RIMS1: variants seen among roughly 807,000 people sequenced by gnomAD.
RIMS1 encodes regulating synaptic membrane exocytosis protein 1.
A neutral mutation model predicts 214.1 loss-of-function variants in RIMS1; 83 were observed. The ratio of observed to expected loss-of-function variants is 0.39; its 90% CI spans 0.32 to 0.47. RIMS1 has a LOEUF of 0.47. RIMS1 is among the 20% of genes least tolerant of loss of function. The pLI is 0.99. For synonymous variants in RIMS1, 793 were observed against 786.8 expected, an observed-to-expected ratio of 1.01 and a Z score of -0.13; for missense variants, 2,050 against 2,161.8, an observed-to-expected ratio of 0.95 and a Z score of 1.03.
At chr6:71,976,691 CCT>C (rs949677284) in intron 2 of RIMS1, among the ~76,000 whole-genome samples, 3 of 151,912 alleles carry the variant, frequency 2.0e-5, no homozygotes, top group African/African-American at 7.2e-5. Flanking sequence ...AAGATTTCCC[CCT>C]GTGTTTTCTT....
At chr6:72,082,438 C>T (rs1386278326) in intron 2 of RIMS1, among the ~76,000 whole-genome samples, 4 of 152,090 alleles carry the variant, frequency 2.6e-5, no homozygotes, top group African/African-American at 9.7e-5. Context: ...TTATTATCCT[C>T]CTTTTACAGA....
intron 4 of RIMS1, among the ~76,000 whole-genome samples, chr6:72,134,778 A>G (rs76980822): frequency 1.9e-3 from 291 of 152,120 alleles, no homozygotes; most frequent in Middle Eastern, 6.8e-3. Flanking sequence ...TTCAATAATT[A>G]AGTTCTAAAA....
chr6:72,213,279 A>AT, intron 6 of RIMS1: 1 of 1,387,188 alleles, frequency 7.2e-7, no homozygotes, highest in Non-Finnish European at 9.7e-7. Flanking sequence ...ACCTAAATCT[A>AT]TATTTAACAC....
chr6:72,266,250 A>G lies in RIMS1; in HGVS notation c.3398+201A>G. Reference sequence around the variant, plus strand: ...TAAACCCAAGGGTACACATACACATATTTCTATGAATGTTGTTGCAAATGG... The same window carrying G: ...TAAACCCAAGGGTACACATACACATGTTTCTATGAATGTTGTTGCAAATGG... On this transcript the variant is annotated intron_variant, in intron 22 of 33. Coordinates refer to ENST00000521978, the MANE Select transcript of RIMS1 (RefSeq NM_014989.7). 2.4e-5 allele frequency: 14 copies of G among 585,466 alleles called. No individual in the cohort carries two copies. The South Asian group carries it at 2.8e-4, about 12-fold the overall frequency. The allele number at this position is 585,466 out of a possible 1,614,324, so 36.3% of individuals were successfully genotyped here.
At position 72,259,087 on chromosome 6, in the gene RIMS1, G is replaced by A; in HGVS notation, c.3029G>A (p.Ser1010Asn). 6.2e-7 allele frequency: 1 copy of A among 1,612,618 alleles called. No homozygotes were observed. The highest frequency in any genetic ancestry group is 8.5e-7 in the Non-Finnish European group (1 of 1,178,950). Reference sequence around the variant, plus strand: ...GATCATAGAACCAGAGATGTGGATAGTCAGTATTTATCAGAACAAGACAGG... The same window carrying A: ...GATCATAGAACCAGAGATGTGGATAATCAGTATTTATCAGAACAAGACAGG... ...PVDHRTRDVD[S>N]QYLSEQDSEL... Residue 1010 changes from serine to asparagine, a missense_variant, in exon 18 of 34, where the codon AGT becomes AAT. Physicochemically the swap from Ser to Asn is conservative, Grantham distance 46. Coordinates refer to ENST00000521978, the MANE Select transcript of RIMS1 (RefSeq NM_014989.7).
At chr6:72,074,721 G>C (rs1831372120) in intron 2 of RIMS1, among the ~76,000 whole-genome samples, 2 of 152,276 alleles carry the variant, frequency 1.3e-5, no homozygotes, top group South Asian at 4.1e-4. Context: ...TAGCAGGGAA[G>C]TATCTTGAAG....
intron 4 of RIMS1, among the ~76,000 whole-genome samples, chr6:72,105,047 C>G (rs1368744518): frequency 1.3e-5 from 2 of 152,134 alleles, no homozygotes; most frequent in Middle Eastern, 3.2e-3. Flanking sequence ...CTTTCCACCT[C>G]AGTCTCCTGA....
chr6:72,166,822 C>G (rs577336705), intron 4 of RIMS1, among the ~76,000 whole-genome samples: 13 of 151,832 alleles, frequency 8.6e-5, no homozygotes, highest in African/African-American at 3.1e-4. Context: ...ATTTATTAGT[C>G]TCAATAGTGT....
intron 2 of RIMS1, among the ~76,000 whole-genome samples, chr6:72,090,666 T>G (rs1027514391): frequency 2.6e-5 from 4 of 152,228 alleles, no homozygotes; most frequent in Non-Finnish European, 5.9e-5. Flanking sequence ...CTTACTGTCC[T>G]TCTTTGACAC....
chr6:72,209,182 G>A (rs2053412229), intron 6 of RIMS1, among the ~76,000 whole-genome samples: 1 of 152,128 alleles, frequency 6.6e-6, no homozygotes. Context: ...TTGAATTTCA[G>A]AGCAATTTGG....
chr6:71,952,198 T>C (rs1345608347), intron 1 of RIMS1, among the ~76,000 whole-genome samples: 2 of 152,126 alleles, frequency 1.3e-5, no homozygotes, highest in African/African-American at 4.8e-5. Context: ...CCAGCTTACC[T>C]CCCACTGCTC....
At chr6:71,924,648 A>AT (rs1781033085) in intron 1 of RIMS1, among the ~76,000 whole-genome samples, 1 of 149,818 alleles carries the variant, frequency 6.7e-6, no homozygotes, top group African/African-American at 2.5e-5. Context: ...AAAAAAAAAA[A>AT]TGCAGAAAAT....
chr6:72,227,049 AT>A (rs1438372419), intron 6 of RIMS1, among the ~76,000 whole-genome samples: 1 of 152,040 alleles, frequency 6.6e-6, no homozygotes, highest in Non-Finnish European at 1.5e-5. Flanking sequence ...AATATGGCAG[AT>A]TTAGGATTAG....
At chr6:71,913,533 G>C (rs1016853119) in intron 1 of RIMS1, among the ~76,000 whole-genome samples, 1 of 152,074 alleles carries the variant, frequency 6.6e-6, no homozygotes, top group Non-Finnish European at 1.5e-5. Flanking sequence ...ATTCCATAAT[G>C]TAACACCCTT....
chr6:72,398,316 C>G lies in RIMS1; in HGVS notation c.4686C>G (p.Ser1562Arg). Reference sequence around the variant, plus strand: ...AAGTGGAAGTCATTAGAGCACGAAGCCTCACACAAAAGCCTGGTTCCAAAT... The same window carrying G: ...AAGTGGAAGTCATTAGAGCACGAAGGCTCACACAAAAGCCTGGTTCCAAAT... ...QLEVEVIRAR[S>R]LTQKPGSKST... The change falls in exon 32 of 34, where the codon AGC becomes AGG. Residue 1562 changes from serine (S) to arginine (R), a missense_variant. This residue lies in a region of RIMS1 where 121 missense variants were observed against 187.3 expected (regional missense o/e 0.65). Coordinates refer to ENST00000521978, the MANE Select transcript of RIMS1 (RefSeq NM_014989.7). 3 of 1,604,028 alleles carry G rather than the reference C, an allele frequency of 1.9e-6. No individual in the cohort carries two copies. Among genetic ancestry groups the G allele is most frequent in the Non-Finnish European group, 2.6e-6 (3 of 1,175,448 alleles).
chr6:72,183,964 C>A (rs2496509), intron 6 of RIMS1, among the ~76,000 whole-genome samples: 72,837 of 151,934 alleles, frequency 0.48, 18,641 homozygotes, highest in East Asian at 0.82. Context: ...TGTAAACATG[C>A]GGTATTAAAT....
In RIMS1 at chr6:72,179,793, G is replaced by C. The variant is rs935049599; in HGVS notation, c.690G>C (p.Gln230His). ...TPLSTAAASS[Q>H]DAAPPSAPPD... ...TAAGCACAGCAGCTGCCTCCTCCCA[G>C]GATGCTGCTCCTCCCAGCGCACCAC... is the stretch of plus-strand genomic sequence containing the variant. The change falls in exon 5 of 34, where the codon CAG becomes CAC. Residue 230 changes from glutamine to histidine, a missense_variant. Physicochemically the swap from Gln to His is conservative, Grantham distance 24 (BLOSUM62 0). This residue lies in a region of RIMS1 where 882 missense variants were observed against 828.9 expected (regional missense o/e 1.06). Transcript: ENST00000521978. 2 of 1,613,606 alleles carry C rather than the reference G, an allele frequency of 1.2e-6. No homozygotes were observed. The highest frequency in any genetic ancestry group is 2.7e-5 in the African/African-American group (2 of 74,894).
chr6:72,334,876 C>G (rs1421160791), intron 29 of RIMS1, among the ~76,000 whole-genome samples: 2 of 151,884 alleles, frequency 1.3e-5, no homozygotes, highest in African/African-American at 4.8e-5. Context: ...GCTAGCATCC[C>G]TGTGATAGAT....
intron 29 of RIMS1, among the ~76,000 whole-genome samples, chr6:72,386,819 C>G (rs118036533): frequency 6.6e-6 from 1 of 150,680 alleles, no homozygotes; most frequent in Non-Finnish European, 1.5e-5. Flanking sequence ...CTGCAAGCTC[C>G]GCCTTCCAGC....
Sources: gnomAD v4.1 joint callset for allele counts (sites outside exome capture counted in the v4.1 genomes callset) on GRCh38, gnomAD v4.1.1 for gene constraint, gnomAD v4.1.1 regional missense constraint, MANE v1.5 for transcripts, NCBI Gene and HGNC (gene_info 2026-07-23, HGNC 2026-07-21) for gene names.